SNTG2: variants seen among roughly 807,000 people sequenced by gnomAD.
SNTG2 encodes the protein gamma-2-syntrophin.
A neutral mutation model predicts 70.9 loss-of-function variants in SNTG2; 74 were observed. That is an observed-to-expected ratio of 1.04 (90% confidence interval 0.86 to 1.27). SNTG2 has a LOEUF of 1.27. Among genes scored for constraint, SNTG2 ranks in the 50% most tolerant of loss-of-function variants. The pLI is 0.00. For missense variants in SNTG2, 717 were observed against 690.7 expected (o/e 1.04, Z -0.43); for synonymous variants, 278 against 273.8 (o/e 1.02, Z -0.15).
In SNTG2 at chr2:1,257,778, C is replaced by G. The variant is rs147392897; in HGVS notation, c.1006-1592C>G. Among the ~76,000 whole-genome samples the G allele has an allele frequency of 4.6e-3, 707 of 152,320 alleles. 8 individuals carry two copies. The highest frequency in any genetic ancestry group is 0.016 in the African/African-American group (672 of 41,566). On this transcript the variant is annotated intron_variant, in intron 12 of 16. Coordinates refer to ENST00000308624, the MANE Select transcript of SNTG2 (RefSeq NM_018968.4). ...AAAGCTTACAAAAACCGTAACTCCACACGGAAATTCTAAGCTGTAGTTACA... is the reference window on the plus strand; with the variant it reads ...AAAGCTTACAAAAACCGTAACTCCAGACGGAAATTCTAAGCTGTAGTTACA...
chr2:1,170,553 G>A (rs1268912756), intron 7 of SNTG2, among the ~76,000 whole-genome samples: 2 of 152,094 alleles, frequency 1.3e-5, no homozygotes, highest in South Asian at 2.1e-4. Context: ...TGCGCCGGAC[G>A]TTTTCTGTAA....
chr2:1,287,200 A>G (rs898794443), intron 14 of SNTG2, among the ~76,000 whole-genome samples: 1 of 152,230 alleles, frequency 6.6e-6, no homozygotes, highest in Admixed American at 6.5e-5. Flanking sequence ...AGTGATTGTT[A>G]TCCACATTTA....
chr2:996,280 T>A (rs989535033), intron 1 of SNTG2, among the ~76,000 whole-genome samples: 5 of 152,188 alleles, frequency 3.3e-5, no homozygotes, highest in African/African-American at 1.2e-4. Flanking sequence ...ACACTTACCT[T>A]TCTGGCAACT....
chr2:1,069,131 AAAC>A (rs559152274), intron 1 of SNTG2, among the ~76,000 whole-genome samples: 215 of 152,318 alleles, frequency 1.4e-3, no homozygotes, highest in Admixed American at 4.5e-3. Context: ...CTCGAGTCAT[AAAC>A]AACAAGTCTA....
rs563221344 is a variant in SNTG2 at position 1,339,965 on chromosome 2, C to T, written c.1488+23590C>T. ...CGCACCGTCCGCTCACTGGCCGCAT[C>T]GAACTGAAATCAAGCTGGGATGCAG... is the stretch of plus-strand genomic sequence containing the variant. On this transcript the variant is annotated intron_variant, in intron 16 of 16. Coordinates refer to ENST00000308624, the MANE Select transcript of SNTG2 (RefSeq NM_018968.4). 3.9e-5 allele frequency among the ~76,000 whole-genome samples: 6 copies of T among 152,312 alleles called. No individual in the cohort carries two copies. The South Asian group carries it at 8.3e-4, about 21-fold the overall frequency.
At chr2:1,336,114 C>T (rs1041942981) in intron 16 of SNTG2, among the ~76,000 whole-genome samples, 3 of 152,220 alleles carry the variant, frequency 2.0e-5, no homozygotes, top group Non-Finnish European at 1.5e-5. Flanking sequence ...CAAAATATGC[C>T]TCTTTTGATA....
chr2:1,144,139 A>C (rs1668946697), intron 6 of SNTG2, among the ~76,000 whole-genome samples: 1 of 152,080 alleles, frequency 6.6e-6, no homozygotes, highest in Non-Finnish European at 1.5e-5. Context: ...ATCTTTAATG[A>C]GTTTCTTTCA....
At chr2:957,135 G>A (rs946085999) in intron 1 of SNTG2, among the ~76,000 whole-genome samples, 16 of 152,196 alleles carry the variant, frequency 1.1e-4, no homozygotes, top group Admixed American at 8.5e-4. Flanking sequence ...AGAACCCGAT[G>A]AGTTAGATGC....
rs143403225 is a variant in SNTG2 at position 1,312,831 on chromosome 2, G to A, written c.1378-3434G>A. On this transcript the variant is annotated intron_variant, in intron 15 of 16. Coordinates refer to ENST00000308624, the MANE Select transcript of SNTG2 (RefSeq NM_018968.4). The stretch of plus-strand genomic sequence containing the variant: ...ATTCCTGTGGGGCTGAGTTAAGGTT[G>A]ATGGAGAGGAACAAAAAGATCAGTT... Among the ~76,000 whole-genome samples, 689 of 152,312 alleles carry A rather than the reference G, an allele frequency of 4.5e-3. 4 individuals are homozygous for A. The highest frequency in any genetic ancestry group is 0.016 in the African/African-American group (651 of 41,560).
At chr2:1,305,158 C>A (rs1334705652) in intron 14 of SNTG2, among the ~76,000 whole-genome samples, 1 of 152,150 alleles carries the variant, frequency 6.6e-6, no homozygotes, top group Non-Finnish European at 1.5e-5. Flanking sequence ...TTCAGACAAA[C>A]CATGAAGTGT....
chr2:1,276,266 C>A (rs1476628504), intron 14 of SNTG2, among the ~76,000 whole-genome samples: 2 of 152,206 alleles, frequency 1.3e-5, no homozygotes, highest in Non-Finnish European at 2.9e-5. Flanking sequence ...GAAGAAGATG[C>A]CATCTAGGAA....
At chr2:1,061,260 G>T (rs1342353476) in intron 1 of SNTG2, among the ~76,000 whole-genome samples, 1 of 152,178 alleles carries the variant, frequency 6.6e-6, no homozygotes, top group Non-Finnish European at 1.5e-5. Flanking sequence ...TGGGTTGGAC[G>T]CTGGGGTGGA....
At chr2:1,366,214 T>C (rs1437699188) in intron 16 of SNTG2, among the ~76,000 whole-genome samples, 1 of 152,228 alleles carries the variant, frequency 6.6e-6, no homozygotes, top group Non-Finnish European at 1.5e-5. Context: ...AATTTTGTTA[T>C]GCAAACAAAG....
chr2:1,182,360 CAAAA>C (rs10587246), intron 8 of SNTG2, among the ~76,000 whole-genome samples: 153 of 122,048 alleles, frequency 1.3e-3, no homozygotes, highest in Middle Eastern at 5.3e-3. Flanking sequence ...TTAAAAATTT[CAAAA>C]AAAAAAAAAA....
intron 14 of SNTG2, among the ~76,000 whole-genome samples, chr2:1,306,030 A>C (rs1680653484): frequency 6.6e-6 from 1 of 152,234 alleles, no homozygotes; most frequent in African/African-American, 2.4e-5. Flanking sequence ...TTTAAATTCT[A>C]GAGATTGAGT....
intron 13 of SNTG2, 45 bp from the exon 14 acceptor site, chr2:1,267,320 G>A: frequency 5.9e-6 from 9 of 1,531,786 alleles, no homozygotes; most frequent in Admixed American, 1.9e-5. Context: ...GCATGGGAAT[G>A]ACCTTCCAGC....
intron 16 of SNTG2, among the ~76,000 whole-genome samples, chr2:1,352,581 T>A (rs1174813404): frequency 1.3e-5 from 2 of 152,222 alleles, no homozygotes; most frequent in African/African-American, 4.8e-5. Flanking sequence ...GGAAATGCTG[T>A]CTCTGCAGGA....
intron 1 of SNTG2, among the ~76,000 whole-genome samples, chr2:1,069,973 C>G (rs1288743484): frequency 1.3e-5 from 2 of 152,116 alleles, no homozygotes; most frequent in Non-Finnish European, 2.9e-5. Context: ...CCCACAGCCA[C>G]TGTTTCTCCC....
At chr2:1,135,180 C>T (rs973140357) in intron 4 of SNTG2, among the ~76,000 whole-genome samples, 10 of 152,160 alleles carry the variant, frequency 6.6e-5, no homozygotes, top group African/African-American at 2.2e-4. Flanking sequence ...GAAATGGCAG[C>T]TCCATTCTGA....
Sources: allele counts gnomAD v4.1 joint callset (sites outside exome capture counted in the v4.1 genomes callset), GRCh38; gene constraint gnomAD v4.1.1; transcripts MANE v1.5; gene names NCBI Gene and HGNC (gene_info 2026-07-23, HGNC 2026-07-21).